FREM2: variants seen among roughly 807,000 people sequenced by gnomAD.
FREM2 encodes the protein FRAS1 related extracellular matrix 2.
A neutral mutation model predicts 219.9 loss-of-function variants in FREM2; 119 were observed. That is an observed-to-expected ratio of 0.54 (90% CI 0.47 to 0.63). The LOEUF (loss-of-function observed/expected upper bound fraction) is 0.63. FREM2 is among the 30% of genes least tolerant of loss of function. The probability of loss-of-function intolerance (pLI) is 0.00; values close to 1 mark genes in which losing one functional copy is unlikely to be tolerated. For synonymous variants in FREM2, 1,562 were observed against 1,522.8 expected, an observed-to-expected ratio of 1.03 and a Z score of -0.60; for missense variants, 4,030 against 3,993.6, an observed-to-expected ratio of 1.01 and a Z score of -0.25.
Position 38,688,716 on chromosome 13 carries a change from A to C in FREM2, c.1372A>C (p.Thr458Pro). ...ILYEGQSRPLTGPAGSGPQNL... is the reference protein window; with the variant it reads ...ILYEGQSRPLPGPAGSGPQNL... ...CTATGAGGGTCAGTCTCGGCCCCTC[A>C]CAGGCCCTGCAGGCAGTGGTCCGCA... The change falls in exon 1 of 24, where the codon ACA becomes CCA. Residue 458 changes from threonine (T) to proline (P), a missense_variant. Coordinates refer to ENST00000280481, the MANE Select transcript of FREM2 (RefSeq NM_207361.6). 1 of 1,614,050 alleles carries C rather than the reference A, an allele frequency of 6.2e-7. No individual in the cohort carries two copies. The highest frequency in any genetic ancestry group is 8.5e-7 in the Non-Finnish European group (1 of 1,179,940).
At chr13:38,875,091 G>A (rs984561866) in intron 18 of FREM2, among the ~76,000 whole-genome samples, 5 of 151,852 alleles carry the variant, frequency 3.3e-5, no homozygotes, top group African/African-American at 1.2e-4. Flanking sequence ...ACTGTGATTC[G>A]CTGTGCTTTG....
Position 38,689,893 on chromosome 13 carries a change from CAG to C in FREM2, c.2552_2553del (p.Glu851ValfsTer5). 3.7e-6 allele frequency: 6 copies of C among 1,614,190 alleles called. No homozygotes were observed. The highest frequency in any genetic ancestry group is 5.1e-6 in the Non-Finnish European group (6 of 1,180,046). On this transcript the variant is annotated frameshift_variant, in exon 1 of 24. Coordinates refer to ENST00000280481, the MANE Select transcript of FREM2 (RefSeq NM_207361.6). LOFTEE classifies it high-confidence loss of function. ...AAGGGTCACCACATCCTGAGTGAGACAGAGTTGCACGTGAATGATGTAGACAC... is the reference window on the plus strand; with the variant it reads ...AAGGGTCACCACATCCTGAGTGAGACAGTTGCACGTGAATGATGTAGACAC...
intron 6 of FREM2, among the ~76,000 whole-genome samples, chr13:38,800,819 G>A (rs939233742): frequency 1.3e-5 from 2 of 152,042 alleles, no homozygotes; most frequent in Non-Finnish European, 2.9e-5. Flanking sequence ...TAGTAGAAAT[G>A]GGGTTTCACC....
intron 6 of FREM2, among the ~76,000 whole-genome samples, chr13:38,797,517 A>G (rs964117825): frequency 5.3e-5 from 8 of 152,098 alleles, no homozygotes; most frequent in Non-Finnish European, 1.0e-4. Flanking sequence ...CTTCCTTGTC[A>G]GATAAATAGT....
intron 16 of FREM2, among the ~76,000 whole-genome samples, chr13:38,865,254 T>C (rs1331928755): frequency 6.6e-6 from 1 of 152,046 alleles, no homozygotes; most frequent in Non-Finnish European, 1.5e-5. Context: ...ACACATAAAA[T>C]ACACATACAC....
chr13:38,702,436 C>T (rs1394517036), intron 2 of FREM2, among the ~76,000 whole-genome samples: 1 of 152,126 alleles, frequency 6.6e-6, no homozygotes, highest in Non-Finnish European at 1.5e-5. Context: ...CCAGTATTTT[C>T]TTGTGTGGTA....
chr13:38,864,722 A>G (rs1593452970), intron 16 of FREM2, 116 bp downstream of exon 16: 2 of 901,642 alleles, frequency 2.2e-6, no homozygotes, highest in Admixed American at 2.0e-5. Flanking sequence ...GTAGGTAATT[A>G]TTGACAGCAA....
At chr13:38,840,257 G>C (rs989957043) in intron 6 of FREM2, among the ~76,000 whole-genome samples, 1 of 151,916 alleles carries the variant, frequency 6.6e-6, no homozygotes, top group African/African-American at 2.4e-5. Flanking sequence ...GCCCCACCCT[G>C]CTTCTGCTTG....
intron 2 of FREM2, among the ~76,000 whole-genome samples, chr13:38,757,070 A>G (rs146082339): frequency 2.6e-5 from 4 of 152,304 alleles, no homozygotes; most frequent in African/African-American, 9.6e-5. Context: ...AATTTTCATG[A>G]GTAGAGCAGT....
chr13:38,807,535 G>T (rs1875296156), intron 6 of FREM2, among the ~76,000 whole-genome samples: 1 of 151,628 alleles, frequency 6.6e-6, no homozygotes, highest in Non-Finnish European at 1.5e-5. Flanking sequence ...CTTCAAAGTT[G>T]AAATGACTCC....
rs768976368 is a variant in FREM2 at position 38,848,642 on chromosome 13, A to T, written c.6351A>T (p.Thr2117=). 1 of 1,613,890 alleles carries T rather than the reference A, an allele frequency of 6.2e-7. No individual in the cohort carries two copies. Among genetic ancestry groups the T allele is most frequent in the South Asian group, 1.1e-5 (1 of 91,076 alleles). The change falls in exon 8 of 24, where the codon ACA becomes ACT. Residue 2117 remains threonine (T), a synonymous_variant. Coordinates refer to ENST00000280481, the MANE Select transcript of FREM2 (RefSeq NM_207361.6). ...NAALGEPSKA[T]VSINDSVSDL... Reference sequence around the variant, plus strand: ...CCCTTGGCGAGCCCAGCAAAGCCACAGTGTCCATAAATGACTCTGTCTCCG... The same window carrying T: ...CCCTTGGCGAGCCCAGCAAAGCCACTGTGTCCATAAATGACTCTGTCTCCG...
intron 2 of FREM2, among the ~76,000 whole-genome samples, chr13:38,708,984 T>A (rs911422504): frequency 6.6e-6 from 1 of 152,174 alleles, no homozygotes; most frequent in East Asian, 1.9e-4. Flanking sequence ...CGTCTTGAAC[T>A]CCTGACCTCA....
chr13:38,741,725 G>A (rs555056453), intron 2 of FREM2, among the ~76,000 whole-genome samples: 1 of 152,156 alleles, frequency 6.6e-6, no homozygotes. Flanking sequence ...TGAAGCAGCT[G>A]TGCTCATCAG....
chr13:38,692,375 C>T lies in FREM2; in HGVS notation c.5031C>T (p.Phe1677=), dbSNP rs757835871. The change falls in exon 1 of 24, where the codon TTC becomes TTT. Residue 1677 remains phenylalanine (F), a synonymous_variant. Transcript: ENST00000280481. The stretch of plus-strand genomic sequence containing the variant: ...CTCTAGCCACTGGCCACTTGGGGTT[C>T]ATGATCACAAGCAAAATATTGAAAG... ...LRTLATGHLG[F]MITSKILKVE... 6.2e-7 allele frequency: 1 copy of T among 1,607,900 alleles called. No individual in the cohort carries two copies. The highest frequency in any genetic ancestry group is 1.1e-5 in the South Asian group (1 of 90,430).
chr13:38,687,460 C>T lies in FREM2; in HGVS notation c.116C>T (p.Ser39Leu). 6.3e-7 allele frequency: 1 copy of T among 1,592,702 alleles called. No individual in the cohort carries two copies. Among genetic ancestry groups the T allele is most frequent in the Non-Finnish European group, 8.5e-7 (1 of 1,170,274 alleles). The change falls in exon 1 of 24, where the codon TCA becomes TTA. Residue 39 changes from serine (S) to leucine (L), a missense_variant. Coordinates refer to ENST00000280481, the MANE Select transcript of FREM2 (RefSeq NM_207361.6). ...CTGCTGCTGCTGCTGCTTCTCCTGT[C>T]ACTGGTAAGCCGCGTCCCGGCACAG... ...RLLLLLLLLL[S>L]LVSRVPAQPA...
At chr13:38,719,958 T>A (rs1012797985) in intron 2 of FREM2, among the ~76,000 whole-genome samples, 1 of 152,168 alleles carries the variant, frequency 6.6e-6, no homozygotes, top group African/African-American at 2.4e-5. Flanking sequence ...GATGCAAAAG[T>A]CTTCAAGAAT....
At chr13:38,704,635 TTGTATACCCAGAGGAG>T (rs1407316065) in intron 2 of FREM2, among the ~76,000 whole-genome samples, 12 of 152,184 alleles carry the variant, frequency 7.9e-5, no homozygotes, top group Non-Finnish European at 1.2e-4. Flanking sequence ...GTGCAGAGCC[TTGTATACCCAGAGGAG>T]TGATTTAGAT....
chr13:38,731,648 G>A (rs991610330), intron 2 of FREM2, among the ~76,000 whole-genome samples: 1 of 152,186 alleles, frequency 6.6e-6, no homozygotes, highest in African/African-American at 2.4e-5. Context: ...ACTAATCACA[G>A]ATCATTATTA....
At chr13:38,818,800 T>G (rs1418804926) in intron 6 of FREM2, among the ~76,000 whole-genome samples, 1 of 151,746 alleles carries the variant, frequency 6.6e-6, no homozygotes, top group Non-Finnish European at 1.5e-5. Flanking sequence ...CCGTCTTTAC[T>G]AAAAATACAA....
Sources: gnomAD v4.1 joint callset for allele counts (sites outside exome capture counted in the v4.1 genomes callset) on GRCh38, gnomAD v4.1.1 for gene constraint, MANE v1.5 for transcripts, NCBI Gene and HGNC (gene_info 2026-07-23, HGNC 2026-07-21) for gene names.